Variants in ATRX observed in about 807,000 individuals in gnomAD.
ATRX encodes the protein chromatin remodeler ATRX.
Under a neutral mutation model 172.6 loss-of-function variants are expected in ATRX, and 12 were observed. The observed-to-expected ratio is 0.07, with a 90% CI of 0.04 to 0.11. The LOEUF is 0.11. Among genes scored for constraint, ATRX ranks in the 10% least tolerant of loss-of-function variants. The pLI is 1.00. For missense variants in ATRX, 1,368 were observed against 1,767.4 expected, an observed-to-expected ratio of 0.77 and a Z score of 4.05; for synonymous variants, 674 against 594.7, an observed-to-expected ratio of 1.13 and a Z score of -1.94.
Position 77,683,022 on chromosome X carries a change from C to T in ATRX, c.2234G>A (p.Ser745Asn), listed in dbSNP as rs782685015. The T allele has an allele frequency of 1.7e-6, 2 of 1,210,398 alleles. No homozygotes were observed. The highest frequency in any genetic ancestry group is 5.9e-5 in the East Asian group (2 of 33,820). The change falls in exon 9 of 35, where the codon AGT becomes AAT. Residue 745 changes from serine to asparagine, a missense_variant. Physicochemically the swap from Ser to Asn is conservative, Grantham distance 46 (BLOSUM62 1). Coordinates refer to ENST00000373344, the MANE Select transcript of ATRX (RefSeq NM_000489.6). ...LAILKEVSRM[S>N]HSSSSDTDIN... ...ATCAGTATCTGAAGAAGAACTGTGA[C>T]TCATCCTGCTCACCTCTTTGAGGAT...
rs782149005 is a variant in ATRX, at chrX:77,536,668, T to C, written c.6700-13267A>G. ...ATGGGGAAAAAAATTAAAGGACGTA[T>C]AGCTTTGTTTCCCAGGTTTCTCTCT... On this transcript the variant is annotated intron_variant, in intron 30 of 34. Transcript: ENST00000373344. Among the ~76,000 whole-genome samples, 9 of 112,180 alleles carry C rather than the reference T, an allele frequency of 8.0e-5. No individual in the cohort carries two copies. The South Asian group carries it at 2.6e-3, about 32-fold the overall frequency.
At chrX:77,567,748 C>G (rs1475881440) in intron 28 of ATRX, among the ~76,000 whole-genome samples, 1 of 110,703 alleles carries the variant, frequency 9.0e-6, no homozygotes, top group African/African-American at 3.3e-5. Context: ...AACACTCCAC[C>G]CAACAACAGC....
intron 1 of ATRX, among the ~76,000 whole-genome samples, chrX:77,779,618 C>T (rs1557204639): frequency 8.9e-6 from 1 of 111,970 alleles, no homozygotes; most frequent in African/African-American, 3.2e-5. Flanking sequence ...TGCTCATTTA[C>T]TTACCAATCT....
intron 19 of ATRX, among the ~76,000 whole-genome samples, chrX:77,621,402 C>A (rs1023309187): frequency 4.5e-5 from 5 of 111,132 alleles, no homozygotes; most frequent in Admixed American, 9.6e-5. Flanking sequence ...CTCCACCTCC[C>A]GGGTTCAGGT....
At chrX:77,616,565 A>C in intron 22 of ATRX, 48 bp downstream of exon 22, 1 of 1,158,156 alleles carries the variant, frequency 8.6e-7, no homozygotes. Flanking sequence ...TCTTTGGAAA[A>C]AGAATGTCTT....
rs201982403 is a variant in ATRX at position 77,674,387 on chromosome X, TTAAAC to T, written c.3809+1834_3809+1838del. 7.8e-3 allele frequency: 868 copies of T among 111,214 alleles called. 9 individuals carry two copies. The highest frequency in any genetic ancestry group is 0.027 in the African/African-American group (839 of 30,775). The allele number at this position is 111,214 out of a possible 1,213,427, so 9.2% of individuals were successfully genotyped here. On this transcript the variant is annotated intron_variant, in intron 10 of 34. Transcript: ENST00000373344. The stretch of plus-strand genomic sequence containing the variant: ...AAATTGTATATTTTATAAAAACAAA[TTAAAC>T]TGAGTATAGAAAGACATGCTCAAGA...
chrX:77,702,955 G>A (rs1557154758), intron 2 of ATRX, among the ~76,000 whole-genome samples: 2 of 111,844 alleles, frequency 1.8e-5, no homozygotes, highest in African/African-American at 6.5e-5. Context: ...TCAAATTCCT[G>A]TCCTCAAGTA....
At position 77,598,554 on chromosome X, in the gene ATRX, C is replaced by T. The variant is rs1217274846; in HGVS notation, c.5956+857G>A. ...ACTAACCTAGGTGGCCCCCACAACT[C>T]TCTTCTCCTTATAGACAGTTAACTG... On this transcript the variant is annotated intron_variant, in intron 25 of 34. Coordinates refer to ENST00000373344, the MANE Select transcript of ATRX (RefSeq NM_000489.6). Among the ~76,000 whole-genome samples the T allele has an allele frequency of 2.7e-5, 3 of 112,190 alleles. No individual in the cohort carries two copies. In the Admixed American group the frequency reaches 2.8e-4, roughly 11 times the overall value.
intron 2 of ATRX, among the ~76,000 whole-genome samples, chrX:77,704,801 C>G (rs1188040130): frequency 8.9e-6 from 1 of 112,155 alleles, no homozygotes; most frequent in African/African-American, 3.2e-5. Context: ...CAGGGTGAAG[C>G]CAGGCAGCAG....
intron 15 of ATRX, among the ~76,000 whole-genome samples, chrX:77,638,335 C>T (rs1326202500): frequency 1.8e-5 from 2 of 112,260 alleles, no homozygotes; most frequent in African/African-American, 6.5e-5. Flanking sequence ...TAGCCAAGCG[C>T]AGTGGCGCGC....
chrX:77,660,382 G>A (rs782655133), intron 12 of ATRX, among the ~76,000 whole-genome samples: 17 of 109,855 alleles, frequency 1.5e-4, no homozygotes, highest in African/African-American at 4.0e-4. Flanking sequence ...TGGCTAACAC[G>A]GTGAAACCCT....
intron 22 of ATRX, among the ~76,000 whole-genome samples, chrX:77,604,664 CATT>C (rs1206896309): frequency 9.0e-6 from 1 of 111,714 alleles, no homozygotes; most frequent in African/African-American, 3.3e-5. Flanking sequence ...AGAAAGAAAT[CATT>C]ATATCAAAAA....
chrX:77,593,385 A>G (rs1171206406), intron 26 of ATRX, among the ~76,000 whole-genome samples: 3 of 111,680 alleles, frequency 2.7e-5, no homozygotes, highest in African/African-American at 9.8e-5. Flanking sequence ...AAGTCACACT[A>G]CATAAACCGA....
intron 6 of ATRX, 95 bp from the exon 7 acceptor site, chrX:77,689,022 A>G (rs557336881): frequency 4.6e-6 from 3 of 646,620 alleles, no homozygotes; most frequent in African/African-American, 4.3e-5. Context: ...TAGACATGAA[A>G]TACCTCATAA....
chrX:77,641,911 T>C (rs1280001352), intron 15 of ATRX, among the ~76,000 whole-genome samples: 1 of 111,644 alleles, frequency 9.0e-6, no homozygotes, highest in Non-Finnish European at 1.9e-5. Flanking sequence ...TTTCCAAAAA[T>C]TTGATGGAAG....
At chrX:77,663,137 C>T (rs2148485328) in intron 12 of ATRX, among the ~76,000 whole-genome samples, 1 of 111,612 alleles carries the variant, frequency 9.0e-6, no homozygotes, top group Non-Finnish European at 1.9e-5. Context: ...GCCTTGACCT[C>T]CGGGGCTCAG....
intron 1 of ATRX, among the ~76,000 whole-genome samples, chrX:77,766,524 G>GGT (rs2075948845): frequency 9.4e-6 from 1 of 105,962 alleles, no homozygotes; most frequent in Non-Finnish European, 1.9e-5. Context: ...AGGCAGAGAC[G>GGT]CTCCTCACCT....
At chrX:77,561,080 G>A in intron 28 of ATRX, among the ~76,000 whole-genome samples, 1 of 111,086 alleles carries the variant, frequency 9.0e-6, no homozygotes, top group Non-Finnish European at 1.9e-5. Context: ...TCTGTGGTCA[G>A]TGGGATTATG....
At chrX:77,611,837 C>T (rs782408990) in intron 22 of ATRX, among the ~76,000 whole-genome samples, 1 of 111,683 alleles carries the variant, frequency 9.0e-6, no homozygotes, top group East Asian at 2.8e-4. Flanking sequence ...CTAATTTTAT[C>T]ACTACACAAT....
Sources: gnomAD v4.1 joint callset for allele counts (sites outside exome capture counted in the v4.1 genomes callset) on GRCh38, gnomAD v4.1.1 for gene constraint, MANE v1.5 for transcripts, NCBI Gene and HGNC (gene_info 2026-07-23, HGNC 2026-07-21) for gene names.